The following SLC35F5 variants were observed in gnomAD, a reference collection of about 807,000 sequenced individuals.
SLC35F5 encodes the protein solute carrier family 35 member F5, also known as HCV NS5A-transactivated protein 3.
SLC35F5 carries 54 observed loss-of-function variants against 68.6 expected under a neutral mutation model. The ratio of observed to expected loss-of-function variants is 0.79; its 90% CI spans 0.63 to 0.99. The LOEUF is 0.99. Among genes scored for constraint, SLC35F5 ranks in the 50% least tolerant of loss-of-function variants. The probability of loss-of-function intolerance (pLI) is 0.00; values close to 1 mark genes in which losing one functional copy is unlikely to be tolerated. For missense variants in SLC35F5, 567 were observed against 626.9 expected (o/e 0.90, Z 1.02); for synonymous variants, 211 against 205.2 (o/e 1.03, Z -0.24).
At chr2:113,721,971 C>CTTTTTTTTTTTT (rs71297192) in intron 13 of SLC35F5, among the ~76,000 whole-genome samples, 62 of 107,648 alleles carry the variant, frequency 5.8e-4, no homozygotes, top group Non-Finnish European at 9.4e-4. Context: ...TTGCTTTTAT[C>CTTTTTTTTTTTT]TTTTTTTTTT....
At chr2:113,728,866 A>C (rs968311872) in intron 11 of SLC35F5, among the ~76,000 whole-genome samples, 4 of 152,216 alleles carry the variant, frequency 2.6e-5, no homozygotes, top group African/African-American at 9.6e-5. Context: ...CATATCCAGA[A>C]ACTATAATTG....
chr2:113,719,962 C>G (rs1394010822), intron 13 of SLC35F5, among the ~76,000 whole-genome samples: 1 of 151,118 alleles, frequency 6.6e-6, no homozygotes, highest in Non-Finnish European at 1.5e-5. Context: ...GTGATGTCAA[C>G]AAGTCTGATC....
At chr2:113,731,539 T>C (rs1238608365) in intron 10 of SLC35F5, 45 bp downstream of exon 10, 4 of 1,512,650 alleles carry the variant, frequency 2.6e-6, no homozygotes, top group Admixed American at 1.7e-5. Flanking sequence ...CACATGTAAC[T>C]TTCTTATTTA....
intron 12 of SLC35F5, among the ~76,000 whole-genome samples, chr2:113,723,518 C>T (rs1303843458): frequency 6.6e-6 from 1 of 151,904 alleles, no homozygotes; most frequent in Non-Finnish European, 1.5e-5. Flanking sequence ...CAGTTATTAC[C>T]GTTTTGTGAT....
At position 113,756,601 on chromosome 2, in the gene SLC35F5, G is replaced by C; in HGVS notation, c.-192C>G. 3 of 1,394,808 alleles carry C rather than the reference G, an allele frequency of 2.2e-6. No homozygotes were observed. Among genetic ancestry groups the C allele is most frequent in the South Asian group, 1.5e-5 (1 of 66,326 alleles). 86.4% of individuals were successfully genotyped at this position (1,394,808 alleles called of 1,614,324 possible). A position where few individuals can be genotyped will look rare whatever the true frequency, so the allele number is the denominator to read the frequency against. On this transcript the variant is annotated 5_prime_UTR_variant, in exon 1 of 16. Transcript: ENST00000245680. ...GAGGGCGTGGAGCGGGTGAGGGGAAGGGACGGCACAGTCAGCTATGGCCGC... is the reference window on the plus strand; with the variant it reads ...GAGGGCGTGGAGCGGGTGAGGGGAACGGACGGCACAGTCAGCTATGGCCGC...
chr2:113,742,524 T>C (rs1676316929), intron 7 of SLC35F5, 168 bp downstream of exon 7: 3 of 637,492 alleles, frequency 4.7e-6, no homozygotes, highest in Non-Finnish European at 2.7e-6. Flanking sequence ...ATATCAAGCA[T>C]TTATTAATTT....
chr2:113,755,375 T>C (rs1676932340), intron 2 of SLC35F5, 69 bp from the exon 3 acceptor site: 15 of 1,605,830 alleles, frequency 9.3e-6, no homozygotes, highest in Non-Finnish European at 1.3e-5. Flanking sequence ...AATGAGAACA[T>C]TAGTATAACA....
chr2:113,746,108 G>A (rs1676472782), intron 5 of SLC35F5, among the ~76,000 whole-genome samples, 169 bp downstream of exon 5: 1 of 152,072 alleles, frequency 6.6e-6, no homozygotes, highest in African/African-American at 2.4e-5. Flanking sequence ...TAGGCCCCAG[G>A]TAACCCTAAG....
rs111598265 is a variant in SLC35F5 at position 113,738,398 on chromosome 2, T to C, written c.751-2540A>G. On this transcript the variant is annotated intron_variant, in intron 7 of 15. Coordinates refer to ENST00000245680, the MANE Select transcript of SLC35F5 (RefSeq NM_025181.5). ...TCATTTAGCATAATGTCTTTCAGGT[T>C]TGTCCATGTTGTTGCAAATGGCGGA... 9.4e-3 allele frequency among the ~76,000 whole-genome samples: 1,431 copies of C among 152,260 alleles called. 20 individuals carry two copies. Among genetic ancestry groups the C allele is most frequent in the African/African-American group, 0.033 (1,366 of 41,566 alleles).
chr2:113,732,134 C>T (rs888323338), intron 9 of SLC35F5, among the ~76,000 whole-genome samples: 3 of 127,696 alleles, frequency 2.3e-5, no homozygotes, highest in African/African-American at 8.6e-5. Context: ...ACTACTCTTG[C>T]TTATTGGTAA....
intron 12 of SLC35F5, among the ~76,000 whole-genome samples, chr2:113,724,395 A>G (rs1687578503): frequency 6.6e-6 from 1 of 152,230 alleles, no homozygotes; most frequent in South Asian, 2.1e-4. Flanking sequence ...ACTAAAGATG[A>G]AAAAATTAAT....
intron 3 of SLC35F5, among the ~76,000 whole-genome samples, chr2:113,753,865 CCT>C (rs1437608082): frequency 1.3e-5 from 2 of 151,742 alleles, no homozygotes; most frequent in African/African-American, 4.8e-5. Flanking sequence ...GGTTTAGTTC[CCT>C]GTCAATATCA....
At chr2:113,722,718 C>T (rs1282272235) in intron 13 of SLC35F5, among the ~76,000 whole-genome samples, 1 of 152,202 alleles carries the variant, frequency 6.6e-6, no homozygotes, top group Admixed American at 6.5e-5. Flanking sequence ...ACTTTTACTG[C>T]AAACAGCATG....
intron 12 of SLC35F5, among the ~76,000 whole-genome samples, chr2:113,723,809 C>A (rs1314385095): frequency 1.3e-5 from 2 of 152,120 alleles, no homozygotes; most frequent in Non-Finnish European, 2.9e-5. Flanking sequence ...CTTGAATTAA[C>A]AATGTGGGTA....
chr2:113,755,868 G>C lies in SLC35F5; in HGVS notation c.41-324C>G, dbSNP rs568170943. 3.7e-4 allele frequency: 578 copies of C among 1,550,588 alleles called. 9 individuals carry two copies. Among genetic ancestry groups the C allele is most frequent in the South Asian group, 3.5e-3 (296 of 84,054 alleles). On this transcript the variant is annotated intron_variant, in intron 1 of 15. Transcript: ENST00000245680. ...AACTCCATTCACCTCTCCATCCAGA[G>C]GAATCCATCCCTGGGGACAGCGTCT...
chr2:113,743,671 G>A (rs888125088), intron 6 of SLC35F5, 42 bp downstream of exon 6: 1 of 1,532,496 alleles, frequency 6.5e-7, no homozygotes, highest in African/African-American at 1.4e-5. Context: ...GAAGTGGCTT[G>A]AATAAAGGTA....
chr2:113,734,365 CAA>C (rs1361287491), intron 9 of SLC35F5, among the ~76,000 whole-genome samples: 1 of 152,118 alleles, frequency 6.6e-6, no homozygotes, highest in Non-Finnish European at 1.5e-5. Flanking sequence ...GAATGGGAAC[CAA>C]AGCAGCCTTG....
intron 5 of SLC35F5, chr2:113,744,001 G>C (rs930770206): frequency 2.6e-6 from 1 of 385,216 alleles, no homozygotes; most frequent in Non-Finnish European, 4.6e-6. Flanking sequence ...TTACAGTTTA[G>C]CAATGTAATG....
At chr2:113,755,953 T>C in intron 1 of SLC35F5, 1 of 1,550,170 alleles carries the variant, frequency 6.5e-7, no homozygotes, top group Non-Finnish European at 8.7e-7. Flanking sequence ...AATTTGGTTA[T>C]CGGAGAGTAA....
Sources: gnomAD v4.1 joint callset for allele counts (sites outside exome capture counted in the v4.1 genomes callset) on GRCh38, gnomAD v4.1.1 for gene constraint, MANE v1.5 for transcripts, NCBI Gene and HGNC (gene_info 2026-07-23, HGNC 2026-07-21) for gene names.